Variants in EEF2K observed in about 807,000 individuals in gnomAD.
EEF2K encodes eukaryotic elongation factor 2 kinase.
EEF2K carries 70 observed loss-of-function variants against 93.8 expected under a neutral mutation model. That is an observed-to-expected ratio of 0.75 (90% CI 0.62 to 0.91). EEF2K has a LOEUF of 0.91. Among genes scored for constraint, EEF2K ranks in the 40% least tolerant of loss-of-function variants. The probability of loss-of-function intolerance (pLI) is 0.00; values close to 1 mark genes in which losing one functional copy is unlikely to be tolerated. For missense variants in EEF2K, 935 were observed against 972.9 expected (o/e 0.96, Z 0.52); for synonymous variants, 376 against 380.8 (o/e 0.99, Z 0.15).
intron 1 of EEF2K, among the ~76,000 whole-genome samples, chr16:22,214,041 A>G (rs1358985823): frequency 6.6e-6 from 1 of 152,236 alleles, no homozygotes; most frequent in Non-Finnish European, 1.5e-5. Context: ...GCCTCAGGTT[A>G]TAATGAAATT....
intron 11 of EEF2K, among the ~76,000 whole-genome samples, chr16:22,262,142 T>C (rs989518451): frequency 9.2e-5 from 14 of 152,312 alleles, no homozygotes; most frequent in African/African-American, 3.4e-4. Context: ...GGTAGGTACA[T>C]GGCTGAAGTT....
chr16:22,281,762 C>T (rs1026674873), intron 17 of EEF2K, among the ~76,000 whole-genome samples: 11 of 152,154 alleles, frequency 7.2e-5, no homozygotes, highest in Non-Finnish European at 7.3e-5. Flanking sequence ...TTTCATTTAG[C>T]ATAACTTTTT....
chr16:22,225,595 G>T lies in EEF2K; in HGVS notation c.-76-59G>T, dbSNP rs1298070525. On this transcript the variant is annotated intron_variant, in intron 1 of 17. Coordinates refer to ENST00000263026, the MANE Select transcript of EEF2K (RefSeq NM_013302.5). Reference sequence around the variant, plus strand: ...GCCTGCAGCATTTGGGGTGAGGGTCGGGCGAATTCGCAGCCCTGGGCCCCA... The same window carrying T: ...GCCTGCAGCATTTGGGGTGAGGGTCTGGCGAATTCGCAGCCCTGGGCCCCA... 8 of 1,365,952 alleles carry T rather than the reference G, an allele frequency of 5.9e-6. No individual in the cohort carries two copies. The South Asian group carries it at 1.0e-4, about 17-fold the overall frequency. The allele number at this position is 1,365,952 out of a possible 1,614,324, so 84.6% of individuals were successfully genotyped here.
chr16:22,226,452 T>C (rs1370544424), intron 2 of EEF2K, among the ~76,000 whole-genome samples: 1 of 148,732 alleles, frequency 6.7e-6, no homozygotes, highest in Non-Finnish European at 1.5e-5. Flanking sequence ...TTTATGGCAA[T>C]AGAAAATCCC....
intron 2 of EEF2K, among the ~76,000 whole-genome samples, chr16:22,241,600 C>T (rs1405580262): frequency 1.5e-5 from 2 of 134,920 alleles, no homozygotes; most frequent in Non-Finnish European, 3.0e-5. Flanking sequence ...GATCACCCCA[C>T]TGCACTTTAG....
chr16:22,243,610 C>G (rs936229948), intron 2 of EEF2K, among the ~76,000 whole-genome samples: 1 of 151,674 alleles, frequency 6.6e-6, no homozygotes, highest in Non-Finnish European at 1.5e-5. Context: ...CCCTGATATC[C>G]GGGCCAGCAC....
chr16:22,241,851 A>G (rs1396139656), intron 2 of EEF2K, among the ~76,000 whole-genome samples: 1 of 152,036 alleles, frequency 6.6e-6, no homozygotes, highest in Non-Finnish European at 1.5e-5. Flanking sequence ...CCAGCAGGCT[A>G]GGTGCAGCAG....
At chr16:22,230,743 C>G (rs1422700011) in intron 2 of EEF2K, among the ~76,000 whole-genome samples, 1 of 152,188 alleles carries the variant, frequency 6.6e-6, no homozygotes, top group East Asian at 1.9e-4. Context: ...CCAGGCTAGT[C>G]CAAAGATGAA....
At chr16:22,245,488 C>T (rs1041226531) in intron 3 of EEF2K, among the ~76,000 whole-genome samples, 6 of 152,048 alleles carry the variant, frequency 3.9e-5, no homozygotes, top group South Asian at 2.1e-4. Context: ...TTGTTTTTCC[C>T]GGTGGAGGCA....
At chr16:22,235,029 A>G (rs1024969449) in intron 2 of EEF2K, among the ~76,000 whole-genome samples, 2 of 151,472 alleles carry the variant, frequency 1.3e-5, no homozygotes, top group African/African-American at 2.4e-5. Flanking sequence ...TACAGGCAAC[A>G]TGGTGAAACC....
chr16:22,237,059 C>T (rs1192823370), intron 2 of EEF2K, among the ~76,000 whole-genome samples: 1 of 148,956 alleles, frequency 6.7e-6, no homozygotes, highest in Non-Finnish European at 1.5e-5. Flanking sequence ...ATTCTCATGC[C>T]TCAGCCTCCT....
chr16:22,257,375 C>A lies in EEF2K; in HGVS notation c.891C>A (p.Asp297Glu). The change falls in exon 8 of 18, where the codon GAC becomes GAA. Residue 297 changes from aspartate (D) to glutamate (E), a missense_variant. Asp to Glu is a conservative substitution (Grantham distance 45). Coordinates refer to ENST00000263026, the MANE Select transcript of EEF2K (RefSeq NM_013302.5). ...IHTETGTDFG[D>E]GNLGVRGMAL... ...CGGAGACGGGCACTGACTTTGGAGA[C>A]GGCAACCTAGGTACGTGGGGAAAGC... 1 of 1,613,488 alleles carries A rather than the reference C, an allele frequency of 6.2e-7. No homozygotes were observed.
At chr16:22,231,998 CAAAAAAAAAAAAA>C (rs35198909) in intron 2 of EEF2K, among the ~76,000 whole-genome samples, 1 of 65,988 alleles carries the variant, frequency 1.5e-5, no homozygotes, top group Admixed American at 2.0e-4. Flanking sequence ...CTTAAACAAA[CAAAAAAAAAAAAA>C]AAAAAAAAAG....
At chr16:22,277,134 C>T (rs2047645340) in intron 16 of EEF2K, among the ~76,000 whole-genome samples, 2 of 152,036 alleles carry the variant, frequency 1.3e-5, no homozygotes, top group Admixed American at 1.3e-4. Context: ...TTAAATTTAA[C>T]TTTTATTTAT....
intron 6 of EEF2K, among the ~76,000 whole-genome samples, chr16:22,255,620 A>G (rs959193905): frequency 6.6e-6 from 1 of 152,196 alleles, no homozygotes; most frequent in African/African-American, 2.4e-5. Flanking sequence ...AGAGCTGAGC[A>G]CAGTGGCTGC....
chr16:22,227,541 A>T (rs1310097848), intron 2 of EEF2K, among the ~76,000 whole-genome samples: 5 of 152,228 alleles, frequency 3.3e-5, no homozygotes, highest in Admixed American at 3.3e-4. Context: ...ATTTAAAAAC[A>T]TAATTTTATT....
intron 4 of EEF2K, among the ~76,000 whole-genome samples, 192 bp from the exon 5 acceptor site, chr16:22,250,462 C>A (rs976078094): frequency 1.3e-5 from 2 of 152,084 alleles, no homozygotes; most frequent in Non-Finnish European, 2.9e-5. Flanking sequence ...GTCATCCTGG[C>A]AGCCTCTGGG....
At chr16:22,244,269 T>TTGTGTGTGTGTGTGTG (rs200282636) in intron 2 of EEF2K, among the ~76,000 whole-genome samples, 4 of 140,054 alleles carry the variant, frequency 2.9e-5, no homozygotes, top group African/African-American at 7.9e-5. Context: ...TATATATGTA[T>TTGTGTGTGTGTGTGTG]TGTGTGTGTG....
chr16:22,219,841 C>T (rs778247784), intron 1 of EEF2K, among the ~76,000 whole-genome samples: 6 of 152,160 alleles, frequency 3.9e-5, no homozygotes, highest in Non-Finnish European at 7.3e-5. Flanking sequence ...TCTCATAGCT[C>T]TTCCAGCCTC....
Sources: gnomAD v4.1 joint callset for allele counts (sites outside exome capture counted in the v4.1 genomes callset) on GRCh38, gnomAD v4.1.1 for gene constraint, MANE v1.5 for transcripts, NCBI Gene and HGNC (gene_info 2026-07-23, HGNC 2026-07-21) for gene names.